The following ITGB3BP variants were observed in gnomAD, a reference collection of about 807,000 sequenced individuals.
ITGB3BP encodes integrin subunit beta 3 binding protein, also known as centromere protein R.
Under a neutral mutation model 29.1 loss-of-function variants are expected in ITGB3BP, and 27 were observed. The observed-to-expected ratio is 0.93, with a 90% CI of 0.68 to 1.28. The LOEUF (loss-of-function observed/expected upper bound fraction) is 1.28, where lower values mean the gene tolerates loss of function less well. Ranked by LOEUF, ITGB3BP falls within the 50% of genes most tolerant of loss-of-function variation. The pLI is 0.00. For synonymous variants in ITGB3BP, 61 were observed against 61.4 expected (o/e 0.99, Z 0.03); for missense variants, 192 against 200.2 (o/e 0.96, Z 0.25).
intron 3 of ITGB3BP, among the ~76,000 whole-genome samples, chr1:63,482,270 C>A (rs1378508905): frequency 1.3e-3 from 80 of 59,328 alleles, no homozygotes; most frequent in African/African-American, 3.3e-3. Flanking sequence ...GACTCCATCT[C>A]AAAAAAAAAA....
intron 3 of ITGB3BP, among the ~76,000 whole-genome samples, 160 bp downstream of exon 3, chr1:63,489,923 T>C (rs2271365): frequency 0.41 from 61,814 of 152,006 alleles, 13,976 homozygotes; most frequent in Non-Finnish European, 0.52. Context: ...GCCAAAAGTT[T>C]ACATTTATGT....
intron 3 of ITGB3BP, among the ~76,000 whole-genome samples, chr1:63,481,322 G>A (rs916605816): frequency 6.6e-6 from 1 of 152,042 alleles, no homozygotes; most frequent in Non-Finnish European, 1.5e-5. Context: ...TAAATATGAA[G>A]AGTTTTAATA....
chr1:63,504,002 T>C (rs1357513464), intron 2 of ITGB3BP, among the ~76,000 whole-genome samples: 1 of 151,906 alleles, frequency 6.6e-6, no homozygotes, highest in Non-Finnish European at 1.5e-5. Context: ...GCAGGCTCTT[T>C]TTTGGTTCCA....
Position 63,454,840 on chromosome 1 carries a change from C to T in ITGB3BP, c.333+50G>A, listed in dbSNP as rs748046062. The stretch of plus-strand genomic sequence containing the variant: ...TTGGATTCTCCAATCTGGGACACTT[C>T]TTTCATTTTATCCTTTTCAAACAGG... On this transcript the variant is annotated intron_variant, in intron 5 of 8. Coordinates refer to ENST00000271002, the MANE Select transcript of ITGB3BP (RefSeq NM_014288.5). This position sits in a 1 kb window ranked among gnomAD's most constrained non-coding sequence, Gnocchi z 4.1. 9 of 829,726 alleles carry T rather than the reference C, an allele frequency of 1.1e-5. No individual in the cohort carries two copies. Among genetic ancestry groups the T allele is most frequent in the Non-Finnish European group, 1.9e-6 (1 of 513,694 alleles). 51.4% of individuals were successfully genotyped at this position (829,726 alleles called of 1,614,324 possible). A position where few individuals can be genotyped will look rare whatever the true frequency, so the allele number is the denominator to read the frequency against.
intron 3 of ITGB3BP, among the ~76,000 whole-genome samples, chr1:63,485,314 T>C (rs958743661): frequency 3.3e-5 from 5 of 152,070 alleles, no homozygotes; most frequent in East Asian, 1.9e-4. Context: ...CTGATAGATA[T>C]CTTGTCTGCC....
intron 4 of ITGB3BP, among the ~76,000 whole-genome samples, chr1:63,477,508 C>T (rs1254830004): frequency 1.3e-5 from 2 of 152,060 alleles, no homozygotes; most frequent in African/African-American, 4.8e-5. Flanking sequence ...CGCTTGAGCC[C>T]AGGGGTTCAA....
intron 2 of ITGB3BP, among the ~76,000 whole-genome samples, chr1:63,493,668 T>C (rs563100037): frequency 2.6e-5 from 4 of 152,288 alleles, no homozygotes; most frequent in South Asian, 2.1e-4. Context: ...TAATTTCAAA[T>C]AGATATGATA....
chr1:63,464,730 G>A (rs745668225), intron 4 of ITGB3BP, among the ~76,000 whole-genome samples: 34 of 152,140 alleles, frequency 2.2e-4, no homozygotes, highest in Non-Finnish European at 2.1e-4. Flanking sequence ...GAACATCACT[G>A]TAATCAAATG....
At chr1:63,449,249 A>C (rs548405388) in intron 7 of ITGB3BP, 3 of 152,460 alleles carry the variant, frequency 2.0e-5, no homozygotes, top group Admixed American at 6.6e-5. Context: ...TTTCTTTTCA[A>C]TTTTGTTGTC....
intron 4 of ITGB3BP, 123 bp downstream of exon 4, chr1:63,478,639 GAA>G: frequency 1.8e-6 from 1 of 541,990 alleles, no homozygotes; most frequent in Non-Finnish European, 3.2e-6. Flanking sequence ...ACTTAAGAAA[GAA>G]TATTTCAGGT....
In ITGB3BP at chr1:63,487,322, C is replaced by T. The variant is rs545489536; in HGVS notation, c.184+2761G>A. 3.3e-5 allele frequency among the ~76,000 whole-genome samples: 5 copies of T among 152,036 alleles called. No homozygotes were observed. In the East Asian group the frequency reaches 9.7e-4, roughly 29 times the overall value. ...GTTCAAACCCATGTTGTTCAAGGGT[C>T]AACTGTAATAGTCTGGAGAAACTTG... On this transcript the variant is annotated intron_variant, in intron 3 of 8. Transcript: ENST00000271002.
chr1:63,523,847 A>G (rs1405074419), upstream of ITGB3BP, among the ~76,000 whole-genome samples: 1 of 152,202 alleles, frequency 6.6e-6, no homozygotes, highest in Non-Finnish European at 1.5e-5. Flanking sequence ...TTCACTGTGT[A>G]GGGACGGTGA....
chr1:63,441,622 T>A (rs1211427671), intron 8 of ITGB3BP, among the ~76,000 whole-genome samples: 1 of 152,040 alleles, frequency 6.6e-6, no homozygotes, highest in Admixed American at 6.6e-5. Context: ...TATGTGACCA[T>A]ACTTACATGA....
intron 4 of ITGB3BP, among the ~76,000 whole-genome samples, chr1:63,474,182 CAGG>C (rs1645280289): frequency 8.5e-6 from 1 of 117,140 alleles, no homozygotes; most frequent in Non-Finnish European, 1.9e-5. Context: ...CCGCCCTATC[CAGG>C]AGGTGAGGGG....
At chr1:63,484,139 C>T (rs112291693) in intron 3 of ITGB3BP, among the ~76,000 whole-genome samples, 292 of 152,256 alleles carry the variant, frequency 1.9e-3, no homozygotes, top group African/African-American at 6.7e-3. Context: ...CTGTACTGAA[C>T]ATATACAGAC....
chr1:63,469,022 G>A (rs1347995412), intron 4 of ITGB3BP, among the ~76,000 whole-genome samples: 1 of 147,774 alleles, frequency 6.8e-6, no homozygotes, highest in Non-Finnish European at 1.5e-5. Context: ...GTGCAATCCA[G>A]CCTGGCAACA....
intron 4 of ITGB3BP, among the ~76,000 whole-genome samples, chr1:63,472,847 T>C (rs915753182): frequency 1.3e-5 from 2 of 152,004 alleles, no homozygotes; most frequent in Admixed American, 1.3e-4. Context: ...CCCAGCCGCC[T>C]GCCTTGGCCT....
chr1:63,483,800 T>C (rs1054150495), intron 3 of ITGB3BP, among the ~76,000 whole-genome samples: 1 of 152,176 alleles, frequency 6.6e-6, no homozygotes, highest in Non-Finnish European at 1.5e-5. Flanking sequence ...TATGTTTAAA[T>C]ACACCAATAC....
chr1:63,467,274 T>C (rs1181888940), intron 4 of ITGB3BP, among the ~76,000 whole-genome samples: 4 of 152,190 alleles, frequency 2.6e-5, no homozygotes, highest in African/African-American at 2.4e-5. Context: ...TATCAGAAAA[T>C]AGATTATTTG....
Sources: allele counts gnomAD v4.1 joint callset (sites outside exome capture counted in the v4.1 genomes callset), GRCh38; gene constraint gnomAD v4.1.1; non-coding constraint Gnocchi (gnomAD v3.1); transcripts MANE v1.5; gene names NCBI Gene and HGNC (gene_info 2026-07-23, HGNC 2026-07-21).